TJP3: variants seen among roughly 807,000 people sequenced by gnomAD.
TJP3 encodes the protein tight junction protein 3.
TJP3 carries 85 observed loss-of-function variants against 104.2 expected under a neutral mutation model. The ratio of observed to expected loss-of-function variants is 0.82; its 90% CI spans 0.68 to 0.98. TJP3 has a LOEUF of 0.98. Ranked by LOEUF, TJP3 falls within the 50% of genes least tolerant of loss-of-function variation. The pLI, the probability that TJP3 is intolerant of heterozygous loss-of-function variation, is 0.00. For synonymous variants in TJP3, 550 were observed against 550.6 expected (o/e 1.00, Z 0.02); for missense variants, 1,367 against 1,322.8 (o/e 1.03, Z -0.52).
At chr19:3,715,745 G>A (rs2036471315) in intron 1 of TJP3, among the ~76,000 whole-genome samples, 1 of 152,218 alleles carries the variant, frequency 6.6e-6, no homozygotes, top group South Asian at 2.1e-4. Flanking sequence ...CTCATGCCAG[G>A]AGAACCTTCC....
In TJP3 at chr19:3,747,185, C is replaced by T. The variant is rs577727910; in HGVS notation, c.2322+309C>T. On this transcript the variant is annotated intron_variant, in intron 18 of 20. Transcript: ENST00000541714. ...AAGTGATTCTCCTGCCTCAGCCTCC[C>T]GAGTAGCTGGGACTACAGGCGAGCG... Among the ~76,000 whole-genome samples the T allele has an allele frequency of 8.6e-5, 13 of 152,024 alleles. No homozygotes were observed. In the East Asian group the frequency reaches 2.3e-3, roughly 27 times the overall value.
intron 1 of TJP3, among the ~76,000 whole-genome samples, chr19:3,711,935 C>T (rs1054253779): frequency 1.3e-5 from 2 of 152,030 alleles, no homozygotes; most frequent in African/African-American, 4.8e-5. Flanking sequence ...ATCTGCCAGC[C>T]TCAGCCACTC....
At chr19:3,739,617 A>G (rs1239770191) in intron 13 of TJP3, among the ~76,000 whole-genome samples, 2 of 152,236 alleles carry the variant, frequency 1.3e-5, no homozygotes, top group African/African-American at 4.8e-5. Flanking sequence ...TTGCTGTAAC[A>G]GATGCCCAGA....
At chr19:3,726,449 A>G (rs1359313639) in intron 1 of TJP3, among the ~76,000 whole-genome samples, 3 of 152,088 alleles carry the variant, frequency 2.0e-5, no homozygotes, top group African/African-American at 7.2e-5. Context: ...AAATACAAAA[A>G]TTAGCTGGGC....
At chr19:3,748,267 ATTTTTTT>A (rs1274711670) in intron 19 of TJP3, among the ~76,000 whole-genome samples, 186 bp downstream of exon 19, 1 of 119,748 alleles carries the variant, frequency 8.4e-6, no homozygotes. Context: ...AACTTGCAGC[ATTTTTTT>A]TTTTTTTTTT....
rs117778290 is a variant in TJP3, at chr19:3,733,927, G to A, written c.877+15G>A. The A allele has an allele frequency of 0.032, 52,108 of 1,612,058 alleles. 1,051 individuals are homozygous for A. Among genetic ancestry groups the A allele is most frequent in the Middle Eastern group, 0.071 (419 of 5,908 alleles). On this transcript the variant is annotated intron_variant, in intron 7 of 20. Transcript: ENST00000541714. The stretch of plus-strand genomic sequence containing the variant: ...GCCATTGGAGGGTGAGGACCTAGAG[G>A]TTAGGACCTGGGAGGGGGTTGAATG...
chr19:3,746,758 G>A lies in TJP3; in HGVS notation c.2222-18G>A, dbSNP rs2036899377. The A allele has an allele frequency of 6.2e-7, 1 of 1,602,252 alleles. No homozygotes were observed. Among genetic ancestry groups the A allele is most frequent in the Non-Finnish European group, 8.5e-7 (1 of 1,174,384 alleles). On this transcript the variant is annotated intron_variant, in intron 17 of 20. Transcript: ENST00000541714. This position sits in a 1 kb window ranked among gnomAD's most constrained non-coding sequence, Gnocchi z 4.1. ...CCAGCCTGAGTCTCCTGCACACACT[G>A]ACGTCCCCTCCCTGCAGCCACCATC...
At chr19:3,749,336 A>G (rs372286851) in intron 19 of TJP3, among the ~76,000 whole-genome samples, 5 of 151,656 alleles carry the variant, frequency 3.3e-5, no homozygotes, top group Admixed American at 6.6e-5. Flanking sequence ...TCTAATTTAT[A>G]TATTTTATTT....
intron 1 of TJP3, among the ~76,000 whole-genome samples, chr19:3,719,401 G>T (rs907172540): frequency 2.6e-5 from 4 of 152,044 alleles, no homozygotes; most frequent in Non-Finnish European, 5.9e-5. Flanking sequence ...GCAACCTTCA[G>T]TGAGTCTGGG....
chr19:3,720,288 T>G (rs549656786), intron 1 of TJP3, among the ~76,000 whole-genome samples: 2 of 152,328 alleles, frequency 1.3e-5, no homozygotes, highest in African/African-American at 4.8e-5. Context: ...TGTAGCTGAC[T>G]TGGGTCTCTG....
At chr19:3,741,159 C>A (rs548331571) in intron 14 of TJP3, among the ~76,000 whole-genome samples, 231 of 152,076 alleles carry the variant, frequency 1.5e-3, no homozygotes, top group Non-Finnish European at 2.3e-3. Context: ...CATCACCCCG[C>A]CCCCAGCTAA....
At chr19:3,710,495 T>C (rs1462807408) in intron 1 of TJP3, among the ~76,000 whole-genome samples, 1 of 152,194 alleles carries the variant, frequency 6.6e-6, no homozygotes, top group African/African-American at 2.4e-5. Flanking sequence ...GAGAAAGTCC[T>C]GCCCCCTGGC....
intron 1 of TJP3, among the ~76,000 whole-genome samples, chr19:3,717,918 T>TAAAA (rs71339056): frequency 1.5e-5 from 2 of 132,382 alleles, no homozygotes; most frequent in Non-Finnish European, 3.2e-5. Flanking sequence ...ACTGGCTAAT[T>TAAAA]AAAAAAAAAA....
chr19:3,719,732 C>CAAAA (rs34047272), intron 1 of TJP3, among the ~76,000 whole-genome samples: 25 of 81,614 alleles, frequency 3.1e-4, no homozygotes, highest in East Asian at 3.5e-4. Flanking sequence ...GACTCCGTCT[C>CAAAA]AAAAAAAAAA....
In TJP3 at chr19:3,746,083, T is replaced by C. The variant is rs1298053003; in HGVS notation, c.2010+2T>C. 6.8e-6 allele frequency: 11 copies of C among 1,606,448 alleles called. No homozygotes were observed. The highest frequency in any genetic ancestry group is 6.7e-5 in the East Asian group (3 of 44,736). On this transcript the variant is annotated splice_donor_variant, in intron 16 of 20. Coordinates refer to ENST00000541714, the MANE Select transcript of TJP3 (RefSeq NM_001267560.2). LOFTEE classifies it high-confidence loss of function. The surrounding 1 kb of genome is among the most constrained non-coding windows in gnomAD (Gnocchi z 4.1). ...ACCGTGCGGGTGATTGCAGAAAAAG[T>C]AAGCCGGGTCCTGCTACGGGTCCCA...
chr19:3,742,068 G>C (rs1211416547), intron 14 of TJP3, among the ~76,000 whole-genome samples: 1 of 152,156 alleles, frequency 6.6e-6, no homozygotes, highest in Non-Finnish European at 1.5e-5. Context: ...GTCTCCAACA[G>C]AAATATGGTG....
At position 3,725,750 on chromosome 19, in the gene TJP3, C is replaced by G. The variant is rs116763499; in HGVS notation, c.-9-2674C>G. On this transcript the variant is annotated intron_variant, in intron 1 of 20. Transcript: ENST00000541714. ...AAGTCATTATTTGGCCACCACCTCC[C>G]CAAGGCTCCTTCTGCTTTTTGCTTT... Among the ~76,000 whole-genome samples the G allele has an allele frequency of 5.3e-3, 810 of 152,154 alleles. 5 individuals carry two copies. The highest frequency in any genetic ancestry group is 0.018 in the African/African-American group (768 of 41,528).
intron 1 of TJP3, among the ~76,000 whole-genome samples, chr19:3,721,155 C>G (rs949522725): frequency 1.3e-5 from 2 of 152,150 alleles, no homozygotes; most frequent in African/African-American, 4.8e-5. Flanking sequence ...TCGCCTCGGC[C>G]TCCCAAAATT....
chr19:3,709,493 G>A (rs774817013), intron 1 of TJP3, among the ~76,000 whole-genome samples: 59 of 152,168 alleles, frequency 3.9e-4, no homozygotes, highest in Non-Finnish European at 6.3e-4. Context: ...GGGAGGGGTC[G>A]GCAGCAAAAG....
Sources: allele counts gnomAD v4.1 joint callset (sites outside exome capture counted in the v4.1 genomes callset), GRCh38; gene constraint gnomAD v4.1.1; non-coding constraint Gnocchi (gnomAD v3.1); transcripts MANE v1.5; gene names NCBI Gene and HGNC (gene_info 2026-07-23, HGNC 2026-07-21).